Variants in BCL6 observed in about 807,000 individuals in gnomAD.
BCL6 encodes BCL6 transcription repressor.
BCL6 carries 7 observed loss-of-function variants against 59.5 expected under a neutral mutation model. That is an observed-to-expected ratio of 0.12 (90% confidence interval 0.07 to 0.22). The LOEUF is 0.22. Ranked by LOEUF, BCL6 falls within the 10% of genes least tolerant of loss-of-function variation. BCL6 has a pLI of 1.00. For missense variants in BCL6, 685 were observed against 939.4 expected (o/e 0.73, Z 3.54); for synonymous variants, 339 against 349.7 (o/e 0.97, Z 0.34).
chr3:187,731,753 C>G lies in BCL6; in HGVS notation c.339G>C (p.Gln113His), dbSNP rs1719055545. ...GGCAAGTGTCCACAACATGCTCCAT[C>G]TGCAGGTACATAGCCGTGGCCATCA... ...MAVMATAMYL[Q>H]MEHVVDTCRK... is the part of the protein sequence containing the mutation. The change falls in exon 4 of 10, where the codon CAG becomes CAC. Residue 113 changes from glutamine to histidine, a missense_variant. By Grantham distance (24) the Gln-to-His change is conservative. Coordinates refer to ENST00000406870, the MANE Select transcript of BCL6 (RefSeq NM_001706.5). The G allele has an allele frequency of 6.2e-7, 1 of 1,614,220 alleles. No individual in the cohort carries two copies. Among genetic ancestry groups the G allele is most frequent in the Non-Finnish European group, 8.5e-7 (1 of 1,180,046 alleles).
intron 7 of BCL6, among the ~76,000 whole-genome samples, chr3:187,726,203 CT>C (rs780145335): frequency 3.9e-5 from 6 of 152,170 alleles, no homozygotes; most frequent in Non-Finnish European, 7.3e-5. Flanking sequence ...AGGGGTGGGG[CT>C]TGGGCCTGAG....
intron 1 of BCL6, chr3:187,737,197 T>C (rs1719318948): frequency 6.6e-6 from 1 of 151,818 alleles, no homozygotes; most frequent in South Asian, 2.1e-4. Context: ...TCTCTTCCCT[T>C]CCTCCCTTTA....
chr3:187,743,357 G>A (rs1464205177), intron 1 of BCL6, among the ~76,000 whole-genome samples: 1 of 151,918 alleles, frequency 6.6e-6, no homozygotes, highest in Non-Finnish European at 1.5e-5. Flanking sequence ...GGGAGGGGGC[G>A]CGGAGTGGAG....
intron 1 of BCL6, among the ~76,000 whole-genome samples, chr3:187,743,995 C>T (rs1711740398): frequency 6.6e-6 from 1 of 152,288 alleles, no homozygotes; most frequent in African/African-American, 2.4e-5. Context: ...CTGAGTCTTG[C>T]ACATAAGGAA....
chr3:187,729,149 T>C lies in BCL6; in HGVS notation c.1256A>G (p.Glu419Gly). The change falls in exon 5 of 10, where the codon GAG becomes GGG. Residue 419 changes from glutamate (E) to glycine (G), a missense_variant. By Grantham distance (98) the Glu-to-Gly change is moderately conservative. Coordinates refer to ENST00000406870, the MANE Select transcript of BCL6 (RefSeq NM_001706.5). The surrounding 1 kb of genome is among the most constrained non-coding windows in gnomAD (Gnocchi z 5.6). ...TAPPACQPPMEPENLDLQSPT... is the reference protein window; with the variant it reads ...TAPPACQPPMGPENLDLQSPT... ...GGACTGGAGGTCAAGGTTCTCAGGCTCCATGGGTGGCTGGCAGGCAGGTGG... is the reference window on the plus strand; with the variant it reads ...GGACTGGAGGTCAAGGTTCTCAGGCCCCATGGGTGGCTGGCAGGCAGGTGG... The C allele has an allele frequency of 6.2e-7, 1 of 1,606,816 alleles. No individual in the cohort carries two copies. Among genetic ancestry groups the C allele is most frequent in the Non-Finnish European group, 8.5e-7 (1 of 1,175,378 alleles).
intron 1 of BCL6, chr3:187,736,613 C>T (rs536175595): frequency 6.6e-6 from 1 of 152,318 alleles, no homozygotes; most frequent in South Asian, 2.1e-4. Flanking sequence ...AAACAAATTC[C>T]CCTGTGTCCA....
intron 4 of BCL6, among the ~76,000 whole-genome samples, 168 bp downstream of exon 4, chr3:187,731,541 T>C (rs931108915): frequency 3.3e-5 from 5 of 152,180 alleles, no homozygotes; most frequent in African/African-American, 1.2e-4. Flanking sequence ...GAGTTAAGTC[T>C]GCCTGGGGCA....
At chr3:187,744,463 C>T (rs569576041) in intron 1 of BCL6, among the ~76,000 whole-genome samples, 7 of 152,256 alleles carry the variant, frequency 4.6e-5, no homozygotes, top group East Asian at 3.9e-4. Flanking sequence ...CGCCCCCAAG[C>T]TCCCCAAAAC....
intron 1 of BCL6, among the ~76,000 whole-genome samples, chr3:187,738,124 A>G (rs1719377757): frequency 6.6e-6 from 1 of 152,210 alleles, no homozygotes; most frequent in South Asian, 2.1e-4. Context: ...GGGGAAGGTC[A>G]GACAAGTTAG....
Position 187,745,345 on chromosome 3 carries a change from C to G in BCL6, c.-50+65G>C, listed in dbSNP as rs768547934. 7.5e-4 allele frequency: 302 copies of G among 401,300 alleles called. 1 individual carries two copies. Among genetic ancestry groups the G allele is most frequent in the Non-Finnish European group, 7.0e-4 (160 of 227,096 alleles). The allele number at this position is 401,300 out of a possible 1,614,324, so 24.9% of individuals were successfully genotyped here. A position where few individuals can be genotyped will look rare whatever the true frequency, so the allele number is the denominator to read the frequency against. On this transcript the variant is annotated intron_variant, in intron 1 of 9. Coordinates refer to ENST00000406870, the MANE Select transcript of BCL6 (RefSeq NM_001706.5). ...ATGAGCAGCGGCGGCGGCAGCGGCA[C>G]CAGCGGCAACAGCGGCGGCGGCGGC...
chr3:187,723,801 T>C (rs1718537023), intron 9 of BCL6, among the ~76,000 whole-genome samples: 1 of 152,166 alleles, frequency 6.6e-6, no homozygotes, highest in Non-Finnish European at 1.5e-5. Context: ...ATGGCCTGGG[T>C]CAATACAGGC....
intron 2 of BCL6, among the ~76,000 whole-genome samples, chr3:187,734,215 G>A (rs948500265): frequency 6.6e-6 from 1 of 152,064 alleles, no homozygotes; most frequent in African/African-American, 2.4e-5. Flanking sequence ...TAATTTTTTT[G>A]TATTTTTAGT....
At chr3:187,742,309 C>T (rs774755419) in intron 1 of BCL6, among the ~76,000 whole-genome samples, 1 of 152,150 alleles carries the variant, frequency 6.6e-6, no homozygotes, top group South Asian at 2.1e-4. Flanking sequence ...TGACATCTAG[C>T]CGTGGCTACC....
chr3:187,729,703 A>G lies in BCL6; in HGVS notation c.702T>C (p.Ser234=), dbSNP rs750694863. 4 of 1,614,096 alleles carry G rather than the reference A, an allele frequency of 2.5e-6. No homozygotes were observed. The highest frequency in any genetic ancestry group is 2.5e-6 in the Non-Finnish European group (3 of 1,180,004). Residue 234 remains serine (S), a synonymous_variant, in exon 5 of 10, where the codon AGT becomes AGC. Coordinates refer to ENST00000406870, the MANE Select transcript of BCL6 (RefSeq NM_001706.5). The surrounding 1 kb of genome is among the most constrained non-coding windows in gnomAD (Gnocchi z 5.6). ...FPKERALPCD[S]ARPVPGEYSR... is the part of the protein sequence containing the mutation. The stretch of plus-strand genomic sequence containing the variant: ...TGTACTCACCAGGGACTGGCCTGGC[A>G]CTATCACATGGGAGTGCCCGCTCCT...
chr3:187,742,404 C>T (rs1474587288), intron 1 of BCL6, among the ~76,000 whole-genome samples: 1 of 152,192 alleles, frequency 6.6e-6, no homozygotes, highest in Admixed American at 6.5e-5. Flanking sequence ...ATCCACCAAA[C>T]CCAGAATAAG....
chr3:187,735,827 T>C (rs1269781976), intron 1 of BCL6, among the ~76,000 whole-genome samples: 1 of 151,878 alleles, frequency 6.6e-6, no homozygotes, highest in Non-Finnish European at 1.5e-5. Context: ...TTGAACTGTC[T>C]TCCCCCCTTT....
chr3:187,740,557 A>T (rs1579827400), intron 1 of BCL6, among the ~76,000 whole-genome samples: 1 of 152,248 alleles, frequency 6.6e-6, no homozygotes, highest in Non-Finnish European at 1.5e-5. Flanking sequence ...TCTCATAAAT[A>T]CTTCTAAGGA....
At chr3:187,744,997 T>G (rs1711854079) in intron 1 of BCL6, among the ~76,000 whole-genome samples, 1 of 151,918 alleles carries the variant, frequency 6.6e-6, no homozygotes, top group African/African-American at 2.4e-5. Flanking sequence ...TGTCTCGTCC[T>G]CTCTGCTCCG....
In BCL6 at chr3:187,725,402, ACTTGCCTGCCCACTCCTCCG is replaced by A. The variant is rs1391489070; in HGVS notation, c.1839+77_1839+96del. ...CCCGCTCCGCTTGCCTGCCCGCTCC[ACTTGCCTGCCCACTCCTCCG>A]CTTGCCTGCCCACTCCTCCGCTCGC... On this transcript the variant is annotated intron_variant, in intron 8 of 9. Transcript: ENST00000406870. This position sits in a 1 kb window ranked among gnomAD's most constrained non-coding sequence, Gnocchi z 4.7. 2.7e-4 allele frequency: 399 copies of A among 1,503,192 alleles called. 6 individuals carry two copies. The East Asian group carries it at 5.3e-3, about 20-fold the overall frequency. The allele number at this position is 1,503,192 out of a possible 1,614,324, so 93.1% of individuals were successfully genotyped here.
Sources: gnomAD v4.1 joint callset for allele counts (sites outside exome capture counted in the v4.1 genomes callset) on GRCh38, gnomAD v4.1.1 for gene constraint, Gnocchi (gnomAD v3.1) non-coding constraint, MANE v1.5 for transcripts, NCBI Gene and HGNC (gene_info 2026-07-23, HGNC 2026-07-21) for gene names.